Variants in PCDHA8 observed in about 807,000 individuals in gnomAD.
The protein encoded by PCDHA8 is protocadherin alpha-8.
PCDHA8 carries 53 observed loss-of-function variants against 61.8 expected under a neutral mutation model. The observed-to-expected ratio is 0.86, with a 90% CI of 0.69 to 1.08. The LOEUF is 1.08. Ranked by LOEUF, PCDHA8 falls within the 50% of genes least tolerant of loss-of-function variation. The probability of loss-of-function intolerance (pLI) is 0.00; values close to 1 mark genes in which losing one functional copy is unlikely to be tolerated. For synonymous variants in PCDHA8, 618 were observed against 556.6 expected (o/e 1.11, Z -1.55); for missense variants, 1,293 against 1,245.0 (o/e 1.04, Z -0.58).
At chr5:140,968,657 G>C in intron 1 of PCDHA8, 1 of 1,614,142 alleles carries the variant, frequency 6.2e-7, no homozygotes, top group Non-Finnish European at 8.5e-7. Context: ...TTCTGACCTG[G>C]ACCTCTTTAA....
At chr5:140,851,140 G>A in intron 1 of PCDHA8, 2 of 1,310,362 alleles carry the variant, frequency 1.5e-6, no homozygotes, top group East Asian at 5.4e-5. Context: ...TGATTAAAGT[G>A]ACATTGAATT....
intron 1 of PCDHA8, among the ~76,000 whole-genome samples, chr5:140,921,145 T>G (rs2080047732): frequency 4.1e-5 from 1 of 24,298 alleles, no homozygotes; most frequent in Admixed American, 5.4e-4. Flanking sequence ...TACACCCAGC[T>G]AATGCATTTT....
intron 1 of PCDHA8, chr5:140,883,531 T>C (rs782406173): frequency 6.8e-6 from 11 of 1,614,092 alleles, no homozygotes; most frequent in Middle Eastern, 1.6e-4. Flanking sequence ...TATCAGCCTA[T>C]GAACTGGTGG....
At chr5:140,868,894 G>T in intron 1 of PCDHA8, 6 of 771,428 alleles carry the variant, frequency 7.8e-6, no homozygotes, top group Non-Finnish European at 1.2e-5. Flanking sequence ...TTAGGCGCAA[G>T]GTGTCGCTCT....
chr5:140,995,113 A>G (rs560699104), intron 3 of PCDHA8, among the ~76,000 whole-genome samples: 68 of 152,252 alleles, frequency 4.5e-4, no homozygotes, highest in Non-Finnish European at 8.4e-4. Flanking sequence ...CAAGACCCTC[A>G]GTGGATGCCT....
In PCDHA8 at chr5:140,993,861, T is replaced by G. The variant is rs143253452; in HGVS notation, c.2542+11298T>G. 3.2e-4 allele frequency among the ~76,000 whole-genome samples: 49 copies of G among 152,356 alleles called. No homozygotes were observed. In the East Asian group the frequency reaches 9.4e-3, roughly 29 times the overall value. On this transcript the variant is annotated intron_variant, in intron 3 of 3. Transcript: ENST00000531613. ...TAGGTATGTAGTAGGCTATGCCATC[T>G]AGGTTTGTGTAAGTACGCTCTATGA... is the stretch of plus-strand genomic sequence containing the variant.
Position 140,848,639 on chromosome 5 carries a change from C to A in PCDHA8, c.2394+4924C>A, listed in dbSNP as rs2150415771. 38 of 1,593,274 alleles carry A rather than the reference C, an allele frequency of 2.4e-5. 3 individuals carry two copies. Among genetic ancestry groups the A allele is most frequent in the Non-Finnish European group, 3.1e-5 (36 of 1,163,894 alleles). On this transcript the variant is annotated intron_variant, in intron 1 of 3. Coordinates refer to ENST00000531613, the MANE Select transcript of PCDHA8 (RefSeq NM_018911.3). ...AACACGGCACCTTCGTGGGCCGCAT[C>A]GCGCAGGACCTGGGGCTGGAGCTGG... is the stretch of plus-strand genomic sequence containing the variant.
chr5:140,870,485 T>C lies in PCDHA8; in HGVS notation c.2394+26770T>C, dbSNP rs1388283363. 1 of 1,614,118 alleles carries C rather than the reference T, an allele frequency of 6.2e-7. No homozygotes were observed. Among genetic ancestry groups the C allele is most frequent in the South Asian group, 1.1e-5 (1 of 91,094 alleles). On this transcript the variant is annotated intron_variant, in intron 1 of 3. Coordinates refer to ENST00000531613, the MANE Select transcript of PCDHA8 (RefSeq NM_018911.3). The stretch of plus-strand genomic sequence containing the variant: ...GCGTTCGCACAGCCCGAGTACACCG[T>C]GTTCGTGAAGGAGAACAACCCACCA...
intron 1 of PCDHA8, among the ~76,000 whole-genome samples, chr5:140,901,786 T>C (rs2068901288): frequency 6.6e-6 from 1 of 152,242 alleles, no homozygotes; most frequent in South Asian, 2.1e-4. Context: ...TAGATTACTT[T>C]GGGTAGTATG....
chr5:140,848,925 G>T lies in PCDHA8; in HGVS notation c.2394+5210G>T, dbSNP rs2150425144. ...GACACAAAAGAATCTGTTCATCGCGGAATCCAGGCCGCTTGACTCTCGGTT... is the reference window on the plus strand; with the variant it reads ...GACACAAAAGAATCTGTTCATCGCGTAATCCAGGCCGCTTGACTCTCGGTT... On this transcript the variant is annotated intron_variant, in intron 1 of 3. Transcript: ENST00000531613. 12 of 1,607,696 alleles carry T rather than the reference G, an allele frequency of 7.5e-6. 1 individual carries two copies. The highest frequency in any genetic ancestry group is 1.0e-5 in the Non-Finnish European group (12 of 1,176,962).
chr5:140,938,086 TTTA>T (rs1189650554), intron 1 of PCDHA8, among the ~76,000 whole-genome samples: 6 of 152,142 alleles, frequency 3.9e-5, no homozygotes, highest in African/African-American at 1.4e-4. Flanking sequence ...TAATGTTAGT[TTTA>T]TTATTGTATT....
chr5:140,977,077 C>A (rs1303374839), intron 1 of PCDHA8, among the ~76,000 whole-genome samples: 1 of 152,138 alleles, frequency 6.6e-6, no homozygotes, highest in Non-Finnish European at 1.5e-5. Context: ...AGCAGCATGA[C>A]AAATTAAATG....
chr5:140,989,373 C>G (rs1189877807), intron 3 of PCDHA8, among the ~76,000 whole-genome samples: 1 of 152,088 alleles, frequency 6.6e-6, no homozygotes, highest in Non-Finnish European at 1.5e-5. Flanking sequence ...TGACTGAGAG[C>G]TTTGTGGGAA....
At chr5:140,871,456 G>A (rs782153529) in intron 1 of PCDHA8, 2 of 1,607,284 alleles carry the variant, frequency 1.2e-6, no homozygotes, top group East Asian at 4.5e-5. Context: ...AGAGGAGGAA[G>A]GGGAAAGACA....
intron 1 of PCDHA8, among the ~76,000 whole-genome samples, chr5:140,947,108 T>G (rs1419361342): frequency 6.6e-6 from 1 of 151,486 alleles, no homozygotes; most frequent in East Asian, 1.9e-4. Context: ...AATAGGTACG[T>G]GTCAATTAAA....
rs782637341 is a variant in PCDHA8, at chr5:141,010,225, C to A, written c.*288C>A. Reference sequence around the variant, plus strand: ...CCGCCGCAAAGGAGAGGCTTCCCAGCCCCGCCAGTGAGAGGTTGGACTCTC... The same window carrying A: ...CCGCCGCAAAGGAGAGGCTTCCCAGACCCGCCAGTGAGAGGTTGGACTCTC... On this transcript the variant is annotated 3_prime_UTR_variant, in exon 4 of 4. Transcript: ENST00000531613. 11 of 1,551,730 alleles carry A rather than the reference C, an allele frequency of 7.1e-6. No homozygotes were observed. The highest frequency in any genetic ancestry group is 8.7e-6 in the Non-Finnish European group (10 of 1,147,034).
At chr5:140,883,511 C>A in intron 1 of PCDHA8, 2 of 1,614,186 alleles carry the variant, frequency 1.2e-6, no homozygotes, top group Middle Eastern at 1.7e-4. Context: ...CGCCCTGGAC[C>A]GCGAGAGCGT....
At chr5:140,899,250 G>A (rs1232558400) in intron 1 of PCDHA8, among the ~76,000 whole-genome samples, 1 of 152,118 alleles carries the variant, frequency 6.6e-6, no homozygotes, top group African/African-American at 2.4e-5. Flanking sequence ...GGTGAGAGAG[G>A]GCATCCCTGT....
rs781975666 is a variant in PCDHA8, at chr5:140,856,109, G to A, written c.2394+12394G>A. 6.9e-6 allele frequency: 11 copies of A among 1,597,740 alleles called. 1 individual carries two copies. The highest frequency in any genetic ancestry group is 4.0e-5 in the African/African-American group (3 of 74,230). On this transcript the variant is annotated intron_variant, in intron 1 of 3. Transcript: ENST00000531613. The stretch of plus-strand genomic sequence containing the variant: ...TCTGCTGCTCTCGCTTCTTCTCCTC[G>A]CAGCCTGGGAGGTGGGGAGCGGCCA...
Sources: gnomAD v4.1 joint callset for allele counts (sites outside exome capture counted in the v4.1 genomes callset) on GRCh38, gnomAD v4.1.1 for gene constraint, MANE v1.5 for transcripts, NCBI Gene and HGNC (gene_info 2026-07-23, HGNC 2026-07-21) for gene names.